Variants in CRYL1 observed in about 807,000 individuals in gnomAD.
The protein encoded by CRYL1 is crystallin lambda 1.
In CRYL1, 29 loss-of-function variants were observed where a neutral mutation model predicts 36.6. The ratio of observed to expected loss-of-function variants is 0.79; its 90% CI spans 0.59 to 1.08. CRYL1 has a LOEUF of 1.08. CRYL1 is among the 50% of genes least tolerant of loss of function. CRYL1 has a pLI of 0.00. For synonymous variants in CRYL1, 152 were observed against 151.5 expected, an observed-to-expected ratio of 1.00 and a Z score of -0.02; for missense variants, 411 against 407.9, an observed-to-expected ratio of 1.01 and a Z score of -0.06.
chr13:20,517,647 A>G (rs1253698433), intron 1 of CRYL1, among the ~76,000 whole-genome samples: 1 of 151,792 alleles, frequency 6.6e-6, no homozygotes, highest in African/African-American at 2.4e-5. Flanking sequence ...ATAAAAAACA[A>G]TGTTAGTGGC....
chr13:20,442,488 A>G (rs1593447592), intron 3 of CRYL1, among the ~76,000 whole-genome samples: 1 of 152,218 alleles, frequency 6.6e-6, no homozygotes, highest in African/African-American at 2.4e-5. Flanking sequence ...CCTCACTTGC[A>G]GTTGGTTACA....
At chr13:20,427,355 C>T in intron 5 of CRYL1, 3 of 981,904 alleles carry the variant, frequency 3.1e-6, no homozygotes, top group Non-Finnish European at 3.6e-6. Context: ...GCACAATAGA[C>T]CTGGCTCCTT....
At chr13:20,516,205 A>AT (rs1191014151) in intron 1 of CRYL1, among the ~76,000 whole-genome samples, 1 of 151,468 alleles carries the variant, frequency 6.6e-6, no homozygotes, top group African/African-American at 2.4e-5. Context: ...AAAAAAAAAA[A>AT]AAAAAAGGCA....
chr13:20,421,562 C>T (rs984546983), intron 5 of CRYL1, among the ~76,000 whole-genome samples: 1 of 152,170 alleles, frequency 6.6e-6, no homozygotes, highest in Non-Finnish European at 1.5e-5. Flanking sequence ...CTGGCTCCCA[C>T]AAGGGAAGAG....
intron 6 of CRYL1, among the ~76,000 whole-genome samples, chr13:20,405,398 T>A (rs1191438890): frequency 6.6e-6 from 1 of 152,212 alleles, no homozygotes; most frequent in Non-Finnish European, 1.5e-5. Flanking sequence ...AGTCCTAATG[T>A]CACCAAGTGT....
chr13:20,505,359 C>CAAAAAAAAAAAAAAAAAAA lies in CRYL1; in HGVS notation c.149+7065_149+7083dup, dbSNP rs61380702. The stretch of plus-strand genomic sequence containing the variant: ...GCAACAAAGTGAGACTCTATCCCAC[C>CAAAAAAAAAAAAAAAAAAA]AAAAAAAAAAAAAAAAAAAAAAATC... On this transcript the variant is annotated intron_variant, in intron 2 of 7. Transcript: ENST00000298248. Among the ~76,000 whole-genome samples the CAAAAAAAAAAAAAAAAAAA allele has an allele frequency of 2.1e-3, 187 of 91,148 alleles. 2 individuals are homozygous for CAAAAAAAAAAAAAAAAAAA. The highest frequency in any genetic ancestry group is 6.3e-3 in the Middle Eastern group (1 of 158). The allele number at this position is 91,148 out of a possible 152,430, so 59.8% of individuals were successfully genotyped here. A position where few individuals can be genotyped will look rare whatever the true frequency, so the allele number is the denominator to read the frequency against.
intron 4 of CRYL1, among the ~76,000 whole-genome samples, chr13:20,437,529 G>C (rs1174103537): frequency 6.6e-6 from 1 of 152,112 alleles, no homozygotes; most frequent in Admixed American, 6.5e-5. Flanking sequence ...GGATGGTTTC[G>C]ATCTCCTGAC....
intron 3 of CRYL1, among the ~76,000 whole-genome samples, chr13:20,466,459 A>T (rs1464498530): frequency 3.9e-5 from 6 of 152,238 alleles, no homozygotes; most frequent in Non-Finnish European, 8.8e-5. Flanking sequence ...CCATTAAAAG[A>T]TTTTGTTTAA....
At chr13:20,463,237 T>C (rs980075996) in intron 3 of CRYL1, among the ~76,000 whole-genome samples, 4 of 152,244 alleles carry the variant, frequency 2.6e-5, no homozygotes, top group Non-Finnish European at 5.9e-5. Flanking sequence ...ATATGCTCAT[T>C]GTCAAAAATT....
At chr13:20,495,118 CA>C (rs1281977236) in intron 2 of CRYL1, among the ~76,000 whole-genome samples, 2 of 152,196 alleles carry the variant, frequency 1.3e-5, no homozygotes, top group South Asian at 2.1e-4. Flanking sequence ...AGATTAATTC[CA>C]ATTTTTTTTA....
intron 3 of CRYL1, among the ~76,000 whole-genome samples, chr13:20,467,093 G>T (rs895141257): frequency 1.4e-4 from 21 of 145,226 alleles, no homozygotes; most frequent in African/African-American, 5.0e-4. Flanking sequence ...GACTACAGGT[G>T]CCTGCCACCA....
intron 2 of CRYL1, among the ~76,000 whole-genome samples, chr13:20,497,727 A>G (rs1365744689): frequency 6.7e-6 from 1 of 149,408 alleles, no homozygotes; most frequent in African/African-American, 2.5e-5. Context: ...ACACAAACAC[A>G]CACCACATAC....
chr13:20,447,741 A>G, intron 3 of CRYL1, among the ~76,000 whole-genome samples: 1 of 152,220 alleles, frequency 6.6e-6, no homozygotes, highest in East Asian at 1.9e-4. Flanking sequence ...GAGGAACTTG[A>G]AACCTTTAAT....
intron 4 of CRYL1, among the ~76,000 whole-genome samples, 192 bp from the exon 5 acceptor site, chr13:20,432,488 T>G (rs1049127106): frequency 6.6e-6 from 1 of 152,084 alleles, no homozygotes; most frequent in Non-Finnish European, 1.5e-5. Context: ...TGATGCAGAA[T>G]TGTGTGGTTT....
At chr13:20,486,113 T>C (rs1386379186) in intron 3 of CRYL1, among the ~76,000 whole-genome samples, 1 of 151,882 alleles carries the variant, frequency 6.6e-6, no homozygotes, top group African/African-American at 2.4e-5. Flanking sequence ...AGAGATGAGG[T>C]CTCACCATAT....
intron 5 of CRYL1, among the ~76,000 whole-genome samples, chr13:20,424,834 A>G (rs1327183752): frequency 3.9e-5 from 6 of 152,178 alleles, no homozygotes; most frequent in Non-Finnish European, 8.8e-5. Flanking sequence ...GAGCTCTGGA[A>G]GCCCCATCAG....
At chr13:20,508,863 A>AAAAAAC (rs2033855514) in intron 2 of CRYL1, among the ~76,000 whole-genome samples, 1 of 55,276 alleles carries the variant, frequency 1.8e-5, no homozygotes, top group African/African-American at 7.3e-5. Context: ...AAAAAAAAAA[A>AAAAAAC]AAAAAAAAAA....
chr13:20,436,926 G>T (rs2032230960), intron 4 of CRYL1, among the ~76,000 whole-genome samples: 1 of 151,522 alleles, frequency 6.6e-6, no homozygotes, highest in Non-Finnish European at 1.5e-5. Context: ...CTCGGAAACT[G>T]GTTCCTCAGA....
Position 20,403,941 on chromosome 13 carries a change from G to A in CRYL1, c.*188C>T. On this transcript the variant is annotated 3_prime_UTR_variant, in exon 8 of 8. Transcript: ENST00000298248. ...AACGCAAGTGCTGCTGTGCCGCCAG[G>A]CCCAGGGCTATGATCCAAAGTGACG... 2.2e-6 allele frequency: 1 copy of A among 456,564 alleles called. No individual in the cohort carries two copies. The highest frequency in any genetic ancestry group is 3.9e-6 in the Non-Finnish European group (1 of 257,476). 28.3% of individuals were successfully genotyped at this position (456,564 alleles called of 1,614,324 possible). A position where few individuals can be genotyped will look rare whatever the true frequency, so the allele number is the denominator to read the frequency against.
Sources: allele counts gnomAD v4.1 joint callset (sites outside exome capture counted in the v4.1 genomes callset), GRCh38; gene constraint gnomAD v4.1.1; transcripts MANE v1.5; gene names NCBI Gene and HGNC (gene_info 2026-07-23, HGNC 2026-07-21).